The following SUSD3 variants were observed in gnomAD, a reference collection of about 807,000 sequenced individuals.
SUSD3 encodes sushi domain containing 3.
In SUSD3, 18 loss-of-function variants were observed where a neutral mutation model predicts 20.6. The observed-to-expected ratio is 0.87, with a 90% CI of 0.60 to 1.30. The LOEUF is 1.30. SUSD3 is among the 50% of genes most tolerant of loss of function. SUSD3 has a pLI of 0.00. For synonymous variants in SUSD3, 137 were observed against 141.5 expected (o/e 0.97, Z 0.23); for missense variants, 306 against 346.9 (o/e 0.88, Z 0.94).
At chr9:93,060,605 C>T (rs535026554) in intron 1 of SUSD3, among the ~76,000 whole-genome samples, 306 of 151,950 alleles carry the variant, frequency 2.0e-3, no homozygotes, top group African/African-American at 6.9e-3. Flanking sequence ...CTGAGGTGGG[C>T]GGATTGCTTG....
At chr9:93,071,392 C>T (rs909703903) in intron 1 of SUSD3, among the ~76,000 whole-genome samples, 1 of 152,206 alleles carries the variant, frequency 6.6e-6, no homozygotes, top group Non-Finnish European at 1.5e-5. Flanking sequence ...AATCCAAAAG[C>T]TGAAGAACTT....
chr9:93,071,258 G>C (rs898834012), intron 1 of SUSD3, among the ~76,000 whole-genome samples: 7 of 152,224 alleles, frequency 4.6e-5, no homozygotes, highest in African/African-American at 1.7e-4. Context: ...TAGGCTGCCT[G>C]CAAGCTAAGG....
intron 1 of SUSD3, among the ~76,000 whole-genome samples, chr9:93,066,677 A>G (rs925540254): frequency 6.6e-6 from 1 of 152,160 alleles, no homozygotes; most frequent in African/African-American, 2.4e-5. Flanking sequence ...ACATTCACAG[A>G]TATGTGCTAC....
intron 4 of SUSD3, among the ~76,000 whole-genome samples, chr9:93,080,334 AAAAAAAC>A (rs1474449414): frequency 2.0e-5 from 3 of 151,508 alleles, no homozygotes; most frequent in Admixed American, 6.6e-5. Context: ...AAAAAAAAAA[AAAAAAAC>A]AAAACTAACA....
intron 1 of SUSD3, among the ~76,000 whole-genome samples, chr9:93,066,121 C>A (rs780120896): frequency 6.6e-6 from 1 of 152,240 alleles, no homozygotes; most frequent in South Asian, 2.1e-4. Flanking sequence ...AGGCCCTCCC[C>A]ACTCTGTGTA....
At chr9:93,072,687 G>A (rs1028168694) in intron 1 of SUSD3, among the ~76,000 whole-genome samples, 4 of 152,234 alleles carry the variant, frequency 2.6e-5, no homozygotes, top group African/African-American at 9.6e-5. Context: ...GCCAGCCCAC[G>A]TGACTGCTCC....
chr9:93,075,623 C>G (rs1444049924), intron 1 of SUSD3, among the ~76,000 whole-genome samples, 161 bp from the exon 2 acceptor site: 2 of 151,714 alleles, frequency 1.3e-5, no homozygotes, highest in Admixed American at 1.3e-4. Flanking sequence ...GTCTGGATGA[C>G]CCCATGTGAC....
rs776311331 is a variant in SUSD3 at position 93,075,871 on chromosome 9, T to G, written c.176T>G (p.Phe59Cys). 2 of 1,614,040 alleles carry G rather than the reference T, an allele frequency of 1.2e-6. No homozygotes were observed. Among genetic ancestry groups the G allele is most frequent in the East Asian group, 4.5e-5 (2 of 44,872 alleles). The stretch of plus-strand genomic sequence containing the variant: ...GCTTCCGTGGGGACCGTGCTCATGT[T>G]CCGCTGCCCCTCCAACCACCAGATG... Reference protein sequence around the residue: ...NGASVGTVLMFRCPSNHQMVG... With the variant: ...NGASVGTVLMCRCPSNHQMVG... Residue 59 changes from phenylalanine (F) to cysteine (C), a missense_variant, in exon 2 of 5, where the codon TTC becomes TGC. By Grantham distance (205) the Phe-to-Cys change is radical. Transcript: ENST00000375472.
chr9:93,058,864 C>A, intron 1 of SUSD3, 34 bp downstream of exon 1: 1 of 1,206,286 alleles, frequency 8.3e-7, no homozygotes, highest in Non-Finnish European at 1.0e-6. Flanking sequence ...GCGTGCGGGG[C>A]TCTGCGCCCA....
At chr9:93,077,756 C>G (rs1826224470) in intron 2 of SUSD3, 90 bp from the exon 3 acceptor site, 1 of 1,461,510 alleles carries the variant, frequency 6.8e-7, no homozygotes, top group South Asian at 1.2e-5. Context: ...CACCCAGGCC[C>G]TACCCGTACC....
Position 93,077,988 on chromosome 9 carries a change from CA to C in SUSD3, c.422del (p.Asn141ThrfsTer10), listed in dbSNP as rs1362730025. ...CVKKSKRRRS[N>X]RSAQLWSQLK... is the part of the protein sequence containing the mutation. ...TGAAGAAGAGCAAGCGGCGGCGCTCCAACAGGTACGGTGGCCTCATGATCTC... is the reference window on the plus strand; with the variant it reads ...TGAAGAAGAGCAAGCGGCGGCGCTCCACAGGTACGGTGGCCTCATGATCTC... On this transcript the variant is annotated frameshift_variant, in exon 3 of 5. Transcript: ENST00000375472. LOFTEE classifies it high-confidence loss of function. 9 of 1,614,078 alleles carry C rather than the reference CA, an allele frequency of 5.6e-6. No homozygotes were observed. The highest frequency in any genetic ancestry group is 7.6e-6 in the Non-Finnish European group (9 of 1,180,044).
Position 93,075,806 on chromosome 9 carries a change from A to G in SUSD3, c.111A>G (p.Leu37=), listed in dbSNP as rs760647878. 1 of 1,379,368 alleles carries G rather than the reference A, an allele frequency of 7.2e-7. No homozygotes were observed. Among genetic ancestry groups the G allele is most frequent in the South Asian group, 1.1e-5 (1 of 88,006 alleles). 85.4% of individuals were successfully genotyped at this position (1,379,368 alleles called of 1,614,324 possible). ...NRTGTCAKLR[L]PPQATFQVLR... is the part of the protein sequence containing the mutation. ...CAGGCACGTGCGCTAAGCTGCGGCTACCCCCGCAAGCAACCTTCCAAGTCC... is the reference window on the plus strand; with the variant it reads ...CAGGCACGTGCGCTAAGCTGCGGCTGCCCCCGCAAGCAACCTTCCAAGTCC... Residue 37 remains leucine (L), a synonymous_variant, in exon 2 of 5, where the codon CTA becomes CTG. Coordinates refer to ENST00000375472, the MANE Select transcript of SUSD3 (RefSeq NM_145006.4).
At chr9:93,074,974 C>A (rs1826068605) in intron 1 of SUSD3, among the ~76,000 whole-genome samples, 1 of 152,154 alleles carries the variant, frequency 6.6e-6, no homozygotes, top group Non-Finnish European at 1.5e-5. Context: ...ATTGCATTTA[C>A]CAAATGCTCT....
At chr9:93,076,259 A>G (rs553700779) in intron 2 of SUSD3, among the ~76,000 whole-genome samples, 1 of 152,352 alleles carries the variant, frequency 6.6e-6, no homozygotes, top group East Asian at 1.9e-4. Context: ...GAGGCTGTGC[A>G]TGCTCTCTGA....
At chr9:93,067,717 C>T (rs1342647234) in intron 1 of SUSD3, among the ~76,000 whole-genome samples, 1 of 152,064 alleles carries the variant, frequency 6.6e-6, no homozygotes, top group Non-Finnish European at 1.5e-5. Flanking sequence ...CCTGCCTCAG[C>T]CTCTCAAGTA....
intron 4 of SUSD3, among the ~76,000 whole-genome samples, chr9:93,079,959 T>C (rs868165839): frequency 6.6e-6 from 1 of 152,126 alleles, no homozygotes; most frequent in Non-Finnish European, 1.5e-5. Context: ...CTCTCCTTTC[T>C]CTCTCTCTTA....
At chr9:93,061,952 C>T (rs377156956) in intron 1 of SUSD3, among the ~76,000 whole-genome samples, 1 of 152,196 alleles carries the variant, frequency 6.6e-6, no homozygotes, top group Non-Finnish European at 1.5e-5. Context: ...CCACAGCAGG[C>T]GAGGTCAGGT....
intron 2 of SUSD3, 69 bp from the exon 3 acceptor site, chr9:93,077,777 C>T: frequency 6.3e-7 from 1 of 1,585,040 alleles, no homozygotes; most frequent in East Asian, 2.2e-5. Context: ...ACCCCTGAGA[C>T]CCCCAACCCC....
At chr9:93,084,340 C>T (rs2119019796) in intron 4 of SUSD3, among the ~76,000 whole-genome samples, 197 bp from the exon 5 acceptor site, 1 of 151,514 alleles carries the variant, frequency 6.6e-6, no homozygotes, top group African/African-American at 2.4e-5. Context: ...GCCAACAGGG[C>T]CCGGCAGGGA....
Sources: gnomAD v4.1 joint callset for allele counts (sites outside exome capture counted in the v4.1 genomes callset) on GRCh38, gnomAD v4.1.1 for gene constraint, MANE v1.5 for transcripts, NCBI Gene and HGNC (gene_info 2026-07-23, HGNC 2026-07-21) for gene names.